Variants in ADCY2 observed in about 807,000 individuals in gnomAD.
ADCY2 encodes the protein adenylate cyclase 2.
A neutral mutation model predicts 125.2 loss-of-function variants in ADCY2; 31 were observed. The observed-to-expected ratio is 0.25, with a 90% CI of 0.19 to 0.33. ADCY2 has a LOEUF of 0.33. ADCY2 is among the 10% of genes least tolerant of loss of function. ADCY2 has a pLI of 1.00. For synonymous variants in ADCY2, 512 were observed against 548.4 expected (o/e 0.93, Z 0.93); for missense variants, 904 against 1,418.2 (o/e 0.64, Z 5.82).
At chr5:7,780,538 G>A (rs930475109) in intron 18 of ADCY2, among the ~76,000 whole-genome samples, 1 of 152,158 alleles carries the variant, frequency 6.6e-6, no homozygotes, top group Admixed American at 6.5e-5. Context: ...TTGTTAGCCT[G>A]GTCTTTATAA....
At chr5:7,813,073 A>G (rs1744995520) in intron 22 of ADCY2, among the ~76,000 whole-genome samples, 1 of 152,204 alleles carries the variant, frequency 6.6e-6, no homozygotes. Flanking sequence ...TCCATTGGCA[A>G]CCCTCTCCCA....
At chr5:7,810,397 G>GTTATCTGCCTGATGGGTGGA (rs1326561037) in intron 22 of ADCY2, among the ~76,000 whole-genome samples, 1 of 151,826 alleles carries the variant, frequency 6.6e-6, no homozygotes, top group Non-Finnish European at 1.5e-5. Flanking sequence ...TGATGGGTGG[G>GTTATCTGCCTGATGGGTGGA]TTATCTGCCT....
intron 4 of ADCY2, among the ~76,000 whole-genome samples, chr5:7,631,154 T>G (rs1160471617): frequency 6.6e-6 from 1 of 152,160 alleles, no homozygotes; most frequent in Non-Finnish European, 1.5e-5. Context: ...ACCCTCCTGC[T>G]TTACTCTTAT....
intron 2 of ADCY2, among the ~76,000 whole-genome samples, chr5:7,434,324 A>G (rs1740717450): frequency 6.6e-6 from 1 of 152,256 alleles, no homozygotes; most frequent in Non-Finnish European, 1.5e-5. Flanking sequence ...CCAATGAAAT[A>G]CTAAGTTAGA....
At chr5:7,619,773 T>C (rs1276895308) in intron 3 of ADCY2, among the ~76,000 whole-genome samples, 3 of 152,162 alleles carry the variant, frequency 2.0e-5, no homozygotes, top group Admixed American at 2.0e-4. Context: ...CTTCATGGCT[T>C]GTGTTGTTTT....
At chr5:7,407,399 G>A (rs1019750877) in intron 1 of ADCY2, among the ~76,000 whole-genome samples, 4 of 152,164 alleles carry the variant, frequency 2.6e-5, no homozygotes, top group Non-Finnish European at 5.9e-5. Flanking sequence ...TGCTGGGGAA[G>A]CCTCAGGAAA....
At chr5:7,602,070 CTG>C (rs1737230177) in intron 3 of ADCY2, among the ~76,000 whole-genome samples, 3 of 152,186 alleles carry the variant, frequency 2.0e-5, no homozygotes, top group Admixed American at 6.5e-5. Context: ...GCCTTCTGCA[CTG>C]TGTTTTCTCT....
chr5:7,712,065 T>G (rs886819774), intron 10 of ADCY2, among the ~76,000 whole-genome samples: 1 of 152,198 alleles, frequency 6.6e-6, no homozygotes, highest in Non-Finnish European at 1.5e-5. Context: ...TACAGTACTT[T>G]ACTGTATGGA....
intron 11 of ADCY2, among the ~76,000 whole-genome samples, chr5:7,714,675 G>C (rs546968250): frequency 1.3e-5 from 2 of 152,346 alleles, no homozygotes; most frequent in Non-Finnish European, 2.9e-5. Context: ...CTTTAGTAAA[G>C]GCCTCTTCCA....
intron 2 of ADCY2, among the ~76,000 whole-genome samples, chr5:7,418,611 G>A (rs796278565): frequency 3.5e-5 from 5 of 143,360 alleles, no homozygotes; most frequent in African/African-American, 1.3e-4. Context: ...GGGAATGGGG[G>A]TTTAAAATGA....
At chr5:7,575,230 G>T (rs951834074) in intron 3 of ADCY2, among the ~76,000 whole-genome samples, 5 of 152,146 alleles carry the variant, frequency 3.3e-5, no homozygotes, top group Non-Finnish European at 7.4e-5. Context: ...ATAATCTTTG[G>T]AAGGATGCAC....
chr5:7,522,033 T>A (rs577200261), intron 3 of ADCY2, among the ~76,000 whole-genome samples: 1 of 152,328 alleles, frequency 6.6e-6, no homozygotes, highest in Admixed American at 6.5e-5. Context: ...GGCTCCTCTC[T>A]GCATTGCCTT....
chr5:7,497,924 T>C lies in ADCY2; in HGVS notation c.409-22814T>C, dbSNP rs1204410722. On this transcript the variant is annotated intron_variant, in intron 2 of 24. Coordinates refer to ENST00000338316, the MANE Select transcript of ADCY2 (RefSeq NM_020546.3). Reference sequence around the variant, plus strand: ...AACATAGACAAAAGGACTTAGGGTGTCCATTGAATAAGTGAATATACTGAG... The same window carrying C: ...AACATAGACAAAAGGACTTAGGGTGCCCATTGAATAAGTGAATATACTGAG... Among the ~76,000 whole-genome samples the C allele has an allele frequency of 4.6e-5, 7 of 152,236 alleles. No homozygotes were observed. The East Asian group carries it at 1.4e-3, about 29-fold the overall frequency.
At chr5:7,584,858 G>T (rs1003900372) in intron 3 of ADCY2, among the ~76,000 whole-genome samples, 1 of 152,110 alleles carries the variant, frequency 6.6e-6, no homozygotes, top group Non-Finnish European at 1.5e-5. Flanking sequence ...TGCGTGAAAT[G>T]AATTAGAACT....
At chr5:7,480,639 A>G (rs1001269662) in intron 2 of ADCY2, among the ~76,000 whole-genome samples, 1 of 152,162 alleles carries the variant, frequency 6.6e-6, no homozygotes, top group Non-Finnish European at 1.5e-5. Flanking sequence ...ATCCGGAAAA[A>G]TGACTGATGG....
At chr5:7,513,078 G>GACACAC (rs142515106) in intron 2 of ADCY2, among the ~76,000 whole-genome samples, 8,146 of 123,802 alleles carry the variant, frequency 0.066, 331 homozygotes, top group East Asian at 0.18. Context: ...GAAAATACAT[G>GACACAC]ACACACACAC....
At position 7,538,091 on chromosome 5, in the gene ADCY2, C is replaced by T. The variant is rs375656280; in HGVS notation, c.570+17192C>T. On this transcript the variant is annotated intron_variant, in intron 3 of 24. Coordinates refer to ENST00000338316, the MANE Select transcript of ADCY2 (RefSeq NM_020546.3). ...CTGACTCCATCTACCCTGGGAGCTC[C>T]GTGAGGGAAGGAACTTTGTCTTTGA... Among the ~76,000 whole-genome samples the T allele has an allele frequency of 8.5e-5, 13 of 152,272 alleles. No homozygotes were observed. The East Asian group carries it at 9.7e-4, about 11-fold the overall frequency.
chr5:7,567,995 G>C lies in ADCY2; in HGVS notation c.570+47096G>C, dbSNP rs142790426. 1.2e-3 allele frequency among the ~76,000 whole-genome samples: 179 copies of C among 149,066 alleles called. 1 individual carries two copies. Among genetic ancestry groups the C allele is most frequent in the African/African-American group, 4.2e-3 (170 of 40,362 alleles). On this transcript the variant is annotated intron_variant, in intron 3 of 24. Coordinates refer to ENST00000338316, the MANE Select transcript of ADCY2 (RefSeq NM_020546.3). ...GTCTTCTGTCTTTAACTGCCTTCTT[G>C]TTGTGTGCTCACCTTTTTCATTAGA...
chr5:7,680,517 A>G (rs1159668517), intron 4 of ADCY2, among the ~76,000 whole-genome samples: 1 of 152,188 alleles, frequency 6.6e-6, no homozygotes, highest in Non-Finnish European at 1.5e-5. Flanking sequence ...ACACATAACT[A>G]TGCACTCTGC....
Sources: gnomAD v4.1 joint callset for allele counts (sites outside exome capture counted in the v4.1 genomes callset) on GRCh38, gnomAD v4.1.1 for gene constraint, MANE v1.5 for transcripts, NCBI Gene and HGNC (gene_info 2026-07-23, HGNC 2026-07-21) for gene names.